The following OPRM1 variants were observed in gnomAD, a reference collection of about 807,000 sequenced individuals.
OPRM1 encodes the protein opioid receptor mu 1, also known as mu-type opioid receptor.
OPRM1 carries 27 observed loss-of-function variants against 31.8 expected under a neutral mutation model. That is an observed-to-expected ratio of 0.85 (90% CI 0.63 to 1.17). The LOEUF is 1.17. Ranked by LOEUF, OPRM1 falls within the 50% of genes most tolerant of loss-of-function variation. OPRM1 has a pLI of 0.00. For missense variants in OPRM1, 536 were observed against 511.1 expected, an observed-to-expected ratio of 1.05 and a Z score of -0.47; for synonymous variants, 196 against 189.9, an observed-to-expected ratio of 1.03 and a Z score of -0.26.
chr6:154,109,153 T>C (rs1054919217), intron 3 of OPRM1: 3 of 452,930 alleles, frequency 6.6e-6, no homozygotes, highest in Non-Finnish European at 8.7e-6. Flanking sequence ...ATAACCAAGA[T>C]GGCAGAGGGA....
At chr6:154,065,476 T>C (rs547713255) in intron 1 of OPRM1, among the ~76,000 whole-genome samples, 1 of 152,270 alleles carries the variant, frequency 6.6e-6, no homozygotes, top group South Asian at 2.1e-4. Context: ...TGTACACATC[T>C]TTCACCTCCT....
In OPRM1 at chr6:154,091,175, T is replaced by C; in HGVS notation, c.867T>C (p.Ala289=). Residue 289 remains alanine, a synonymous_variant, in exon 3 of 4, where the codon GCT becomes GCC. Coordinates refer to ENST00000330432, the MANE Select transcript of OPRM1 (RefSeq NM_000914.5). ...CCAGGATGGTGCTGGTGGTGGTGGCTGTGTTCATCGTCTGCTGGACTCCCA... is the reference window on the plus strand; with the variant it reads ...CCAGGATGGTGCTGGTGGTGGTGGCCGTGTTCATCGTCTGCTGGACTCCCA... ...RITRMVLVVV[A]VFIVCWTPIH... 1 of 1,614,172 alleles carries C rather than the reference T, an allele frequency of 6.2e-7. No homozygotes were observed.
intron 1 of OPRM1, among the ~76,000 whole-genome samples, chr6:154,071,746 A>C (rs2128454461): frequency 6.6e-6 from 1 of 152,362 alleles, no homozygotes; most frequent in African/African-American, 2.4e-5. Context: ...AGAATTAAGC[A>C]TGTAAGGCTA....
chr6:154,095,714 AT>A (rs1158422451), intron 3 of OPRM1, among the ~76,000 whole-genome samples: 1 of 152,042 alleles, frequency 6.6e-6, no homozygotes. Context: ...TTTTTTGTGC[AT>A]GCCTGGGCTC....
At position 154,118,707 on chromosome 6, in the gene OPRM1, G is replaced by T. The variant is rs1010978979; in HGVS notation, c.1189G>T (p.Ala397Ser). The change falls in exon 4 of 4, where the codon GCT (alanine) becomes TCT (serine). Residue 397 changes from alanine (A) to serine (S), a missense_variant. Transcript: ENST00000330432. The part of the protein sequence containing the change: ...HQLENLEAET[A>S]PLP ...GCTAGAAAATCTGGAAGCAGAAACT[G>T]CTCCGTTGCCCTAACAGGGTCTCAT... The T allele has an allele frequency of 2.5e-6, 4 of 1,613,074 alleles. No individual in the cohort carries two copies. The highest frequency in any genetic ancestry group is 1.3e-5 in the African/African-American group (1 of 74,878).
chr6:154,094,534 C>G (rs1387838523), intron 3 of OPRM1, among the ~76,000 whole-genome samples: 1 of 152,190 alleles, frequency 6.6e-6, no homozygotes, highest in Non-Finnish European at 1.5e-5. Flanking sequence ...TGGGCTTGCT[C>G]GGAGGGCAGC....
chr6:154,135,512 GATATAGAT>G (rs1181974927), downstream of OPRM1, among the ~76,000 whole-genome samples: 1 of 151,974 alleles, frequency 6.6e-6, no homozygotes, highest in Non-Finnish European at 1.5e-5. Context: ...TATAGATATA[GATATAGAT>G]ATAGATATAG....
At chr6:154,040,271 G>A (rs1779785722) in intron 1 of OPRM1, among the ~76,000 whole-genome samples, 1 of 151,656 alleles carries the variant, frequency 6.6e-6, no homozygotes, top group Admixed American at 6.6e-5. Flanking sequence ...TGGGGCCGGT[G>A]TGTGTGTGTG....
At chr6:154,242,044 C>T (rs1391996710) in intron 3 of OPRM1, among the ~76,000 whole-genome samples, 4 of 152,186 alleles carry the variant, frequency 2.6e-5, no homozygotes, top group African/African-American at 7.2e-5. Context: ...TCAGTAAACT[C>T]CCTTGAAAAA....
At chr6:154,221,122 T>C in intron 3 of OPRM1, 1 of 666,194 alleles carries the variant, frequency 1.5e-6, no homozygotes, top group Non-Finnish European at 2.5e-6. Context: ...GCATTGTAAC[T>C]GCTAAATAAA....
At chr6:154,142,034 A>G (rs552266129) in intron 3 of OPRM1, among the ~76,000 whole-genome samples, 1 of 152,314 alleles carries the variant, frequency 6.6e-6, no homozygotes, top group Non-Finnish European at 1.5e-5. Context: ...TCCTCTCCAG[A>G]GTGCTCAAGC....
chr6:154,060,960 A>G (rs1172985952), intron 1 of OPRM1, among the ~76,000 whole-genome samples: 2 of 152,240 alleles, frequency 1.3e-5, no homozygotes, highest in African/African-American at 4.8e-5. Flanking sequence ...TTCATGGAGC[A>G]GAAATACACT....
intron 3 of OPRM1, among the ~76,000 whole-genome samples, chr6:154,229,529 T>A (rs1779559267): frequency 6.6e-6 from 1 of 151,848 alleles, no homozygotes; most frequent in South Asian, 2.1e-4. Context: ...TTTTGTATTT[T>A]TTTTTTTTTA....
chr6:154,167,706 C>T (rs1019878471), intron 3 of OPRM1, among the ~76,000 whole-genome samples: 9 of 152,088 alleles, frequency 5.9e-5, no homozygotes, highest in Admixed American at 5.2e-4. Context: ...AACATCAAGG[C>T]CTATTGTGAA....
At chr6:154,208,532 G>T (rs550494111) in intron 3 of OPRM1, among the ~76,000 whole-genome samples, 1 of 152,258 alleles carries the variant, frequency 6.6e-6, no homozygotes, top group East Asian at 1.9e-4. Flanking sequence ...CTCAACTAGA[G>T]GTTTGGCTCC....
intron 3 of OPRM1, among the ~76,000 whole-genome samples, chr6:154,165,606 A>G (rs1262836830): frequency 6.6e-6 from 1 of 152,250 alleles, no homozygotes; most frequent in Non-Finnish European, 1.5e-5. Context: ...ATGTCCAGAA[A>G]GAGCAGTTCC....
chr6:154,238,647 C>T (rs1780333382), intron 3 of OPRM1, among the ~76,000 whole-genome samples: 1 of 152,102 alleles, frequency 6.6e-6, no homozygotes, highest in Admixed American at 6.5e-5. Context: ...TCGCTTACTT[C>T]TATTTTCAAA....
chr6:154,215,421 G>T (rs790255), intron 3 of OPRM1, among the ~76,000 whole-genome samples: 82,903 of 151,754 alleles, frequency 0.55, 23,096 homozygotes, highest in South Asian at 0.76. Flanking sequence ...CTGACCAACA[G>T]GGAGAAACCC....
intron 1 of OPRM1, among the ~76,000 whole-genome samples, chr6:154,044,139 TAGAC>T (rs560656313): frequency 2.6e-5 from 4 of 151,964 alleles, no homozygotes; most frequent in Non-Finnish European, 4.4e-5. Flanking sequence ...GAGAGAGAGA[TAGAC>T]AGACTGAAAC....
Sources: gnomAD v4.1 joint callset for allele counts (sites outside exome capture counted in the v4.1 genomes callset) on GRCh38, gnomAD v4.1.1 for gene constraint, MANE v1.5 for transcripts, NCBI Gene and HGNC (gene_info 2026-07-23, HGNC 2026-07-21) for gene names.